TRAF3: variants seen among roughly 807,000 people sequenced by gnomAD.
TRAF3 encodes TNF receptor associated factor 3, also known as TNF receptor-associated factor 3.
In TRAF3, 13 loss-of-function variants were observed where a neutral mutation model predicts 62.3. The ratio of observed to expected loss-of-function variants is 0.21; its 90% CI spans 0.14 to 0.33. The LOEUF (loss-of-function observed/expected upper bound fraction) is 0.33. Among genes scored for constraint, TRAF3 ranks in the 10% least tolerant of loss-of-function variants. The probability of loss-of-function intolerance (pLI) is 1.00; values close to 1 mark genes in which losing one functional copy is unlikely to be tolerated. For missense variants in TRAF3, 440 were observed against 741.8 expected (o/e 0.59, Z 4.73); for synonymous variants, 269 against 283.4 (o/e 0.95, Z 0.51).
intron 1 of TRAF3, among the ~76,000 whole-genome samples, chr14:102,806,833 C>T (rs923725075): frequency 6.6e-5 from 10 of 152,068 alleles, no homozygotes; most frequent in Admixed American, 3.3e-4. Context: ...GGCGTTTTGT[C>T]CACAAACCTT....
chr14:102,883,177 G>A (rs1187671664), intron 6 of TRAF3, among the ~76,000 whole-genome samples: 1 of 152,164 alleles, frequency 6.6e-6, no homozygotes, highest in Admixed American at 6.6e-5. Context: ...GGAAACAGCC[G>A]GAGCACCCAT....
intron 1 of TRAF3, among the ~76,000 whole-genome samples, chr14:102,812,896 G>A (rs1010219381): frequency 6.6e-6 from 1 of 151,968 alleles, no homozygotes; most frequent in African/African-American, 2.4e-5. Context: ...TCCGGCCTGG[G>A]CGAAAGAGCG....
At chr14:102,812,714 T>TC (rs1566750512) in intron 1 of TRAF3, among the ~76,000 whole-genome samples, 1 of 149,732 alleles carries the variant, frequency 6.7e-6, no homozygotes, top group Non-Finnish European at 1.5e-5. Flanking sequence ...GGTCAGGAGA[T>TC]CGAGACCATC....
intron 1 of TRAF3, among the ~76,000 whole-genome samples, chr14:102,783,528 G>A (rs1312081818): frequency 1.3e-5 from 2 of 152,190 alleles, no homozygotes; most frequent in Non-Finnish European, 2.9e-5. Flanking sequence ...AGGCTTTTCT[G>A]TGTGACTTTC....
intron 1 of TRAF3, among the ~76,000 whole-genome samples, chr14:102,779,360 G>C (rs1897178690): frequency 6.9e-6 from 1 of 144,136 alleles, no homozygotes; most frequent in Admixed American, 7.5e-5. Context: ...CTTGGATGCT[G>C]TCCCTTCTTT....
rs1323305719 is a variant in TRAF3 at position 102,903,243 on chromosome 14, T to G, written c.961-12T>G. ...AACTGTGTTTTGCTTTTTAACACCTTTGGTTTGGAAGCGAGTGATAGACAG... is the reference window on the plus strand; with the variant it reads ...AACTGTGTTTTGCTTTTTAACACCTGTGGTTTGGAAGCGAGTGATAGACAG... On this transcript the variant is annotated splice_polypyrimidine_tract_variant and intron_variant, in intron 10 of 11. Transcript: ENST00000392745. The surrounding 1 kb of genome is among the most constrained non-coding windows in gnomAD (Gnocchi z 6.4). The G allele has an allele frequency of 6.2e-7, 1 of 1,614,086 alleles. No homozygotes were observed.
At chr14:102,817,830 CGTT>C (rs1899629605) in intron 1 of TRAF3, among the ~76,000 whole-genome samples, 1 of 152,190 alleles carries the variant, frequency 6.6e-6, no homozygotes, top group Non-Finnish European at 1.5e-5. Flanking sequence ...TCTATTGTTA[CGTT>C]GTTAAGTCTC....
At chr14:102,790,753 T>A (rs1389904480) in intron 1 of TRAF3, among the ~76,000 whole-genome samples, 1 of 151,006 alleles carries the variant, frequency 6.6e-6, no homozygotes, top group Non-Finnish European at 1.5e-5. Flanking sequence ...TATCACACAC[T>A]GTTTTGATTA....
intron 2 of TRAF3, among the ~76,000 whole-genome samples, chr14:102,852,065 T>G (rs1363944938): frequency 6.6e-6 from 1 of 151,488 alleles, no homozygotes; most frequent in Non-Finnish European, 1.5e-5. Context: ...ATAAAAGAAA[T>G]AACCTCAAAA....
At chr14:102,849,118 C>A (rs958081108) in intron 2 of TRAF3, among the ~76,000 whole-genome samples, 7 of 152,192 alleles carry the variant, frequency 4.6e-5, no homozygotes, top group African/African-American at 1.7e-4. Context: ...TTTTTGAAAT[C>A]TCATGTTTTA....
intron 10 of TRAF3, among the ~76,000 whole-genome samples, chr14:102,901,194 C>G (rs1412911174): frequency 6.6e-6 from 1 of 152,160 alleles, no homozygotes; most frequent in African/African-American, 2.4e-5. Context: ...TGGAGACTCC[C>G]CGTTCTGTGC....
intron 7 of TRAF3, among the ~76,000 whole-genome samples, chr14:102,887,163 G>C (rs951349552): frequency 6.6e-6 from 1 of 152,252 alleles, no homozygotes; most frequent in Non-Finnish European, 1.5e-5. Context: ...CATCTGTCCT[G>C]ACGGGGAGCT....
chr14:102,897,288 GA>G lies in TRAF3; in HGVS notation c.854del (p.Asn285ThrfsTer38), dbSNP rs1890054791. 6.2e-7 allele frequency: 1 copy of G among 1,613,210 alleles called. No individual in the cohort carries two copies. The highest frequency in any genetic ancestry group is 1.3e-5 in the African/African-American group (1 of 74,804). On this transcript the variant is annotated frameshift_variant, in exon 10 of 12. Coordinates refer to ENST00000392745, the MANE Select transcript of TRAF3 (RefSeq NM_145725.3). LOFTEE classifies it high-confidence loss of function. Reference sequence around the variant, plus strand: ...TTCCTTGTTGCAGAATGAAAGTGTAGAAAAAAACAAGAGCATACAAAGTTTG... The same window carrying G: ...TTCCTTGTTGCAGAATGAAAGTGTAGAAAAAACAAGAGCATACAAAGTTTG... ...KVSLLQNESVEKNKSIQSLHN... is the reference protein window; with the variant it reads ...KVSLLQNESVXKNKSIQSLHN...
rs559575441 is a variant in TRAF3 at position 102,838,795 on chromosome 14, A to T, written c.-18+8323A>T. ...GCAGCAGATGTAAAGGGAAGTGTGT[A>T]TTGGAGGGGGTATGTTGTGAATTTG... is the stretch of plus-strand genomic sequence containing the variant. On this transcript the variant is annotated intron_variant, in intron 2 of 11. Transcript: ENST00000392745. Among the ~76,000 whole-genome samples the T allele has an allele frequency of 2.0e-5, 3 of 152,300 alleles. No individual in the cohort carries two copies. The East Asian group carries it at 5.8e-4, about 29-fold the overall frequency.
Position 102,905,627 on chromosome 14 carries a change from A to G in TRAF3, c.1550A>G (p.Asn517Ser). 6.2e-7 allele frequency: 1 copy of G among 1,614,198 alleles called. No individual in the cohort carries two copies. Among genetic ancestry groups the G allele is most frequent in the Non-Finnish European group, 8.5e-7 (1 of 1,180,036 alleles). The change falls in exon 12 of 12, where the codon AAC (asparagine) becomes AGC (serine). Residue 517 changes from asparagine to serine, a missense_variant. Physicochemically the swap from Asn to Ser is conservative, Grantham distance 46 (BLOSUM62 1). Transcript: ENST00000392745. ...GGAGATGCATTCAAGCCCGACCCCA[A>G]CAGCAGCAGCTTCAAGAAGCCCACT... is the stretch of plus-strand genomic sequence containing the variant. ...HLGDAFKPDPNSSSFKKPTGE... is the reference protein window; with the variant it reads ...HLGDAFKPDPSSSSFKKPTGE...
chr14:102,878,215 T>TA (rs1282950627), intron 6 of TRAF3, among the ~76,000 whole-genome samples: 3 of 152,228 alleles, frequency 2.0e-5, no homozygotes, highest in Non-Finnish European at 4.4e-5. Context: ...AACCATCACT[T>TA]ACAACAGGCT....
At chr14:102,836,926 A>G (rs1357673814) in intron 2 of TRAF3, among the ~76,000 whole-genome samples, 1 of 152,196 alleles carries the variant, frequency 6.6e-6, no homozygotes, top group Admixed American at 6.5e-5. Context: ...ACTGAGGTAT[A>G]TTGCTACAAA....
chr14:102,782,298 A>G (rs575626199), intron 1 of TRAF3, among the ~76,000 whole-genome samples: 152 of 151,942 alleles, frequency 1.0e-3, no homozygotes, highest in African/African-American at 3.4e-3. Flanking sequence ...CAGTGGTGCA[A>G]TCTTGGCTCA....
At chr14:102,891,205 T>G (rs965741506) in intron 8 of TRAF3, 120 bp from the exon 9 acceptor site, 4 of 943,610 alleles carry the variant, frequency 4.2e-6, no homozygotes, top group Middle Eastern at 2.5e-4. Context: ...CCCTGTTCAC[T>G]TGACGCAAAT....
Sources: gnomAD v4.1 joint callset for allele counts (sites outside exome capture counted in the v4.1 genomes callset) on GRCh38, gnomAD v4.1.1 for gene constraint, Gnocchi (gnomAD v3.1) non-coding constraint, MANE v1.5 for transcripts, NCBI Gene and HGNC (gene_info 2026-07-23, HGNC 2026-07-21) for gene names.